Variants in PPP1R2 observed in about 807,000 individuals in gnomAD.
PPP1R2 encodes protein phosphatase 1 regulatory inhibitor subunit 2, also known as protein phosphatase inhibitor 2.
A neutral mutation model predicts 29.9 loss-of-function variants in PPP1R2; 16 were observed. That is an observed-to-expected ratio of 0.53 (90% CI 0.36 to 0.81). The LOEUF is 0.81. PPP1R2 is among the 30% of genes least tolerant of loss of function. The pLI is 0.00. For synonymous variants in PPP1R2, 76 were observed against 91.5 expected (o/e 0.83, Z 0.96); for missense variants, 197 against 252.7 (o/e 0.78, Z 1.49).
At chr3:195,524,512 G>A (rs557845807) in intron 3 of PPP1R2, among the ~76,000 whole-genome samples, 5 of 152,232 alleles carry the variant, frequency 3.3e-5, no homozygotes, top group East Asian at 1.9e-4. Context: ...ATGACAGAGC[G>A]AGACTCTGTC....
chr3:195,519,077 T>G lies in PPP1R2; in HGVS notation c.512A>C (p.Asp171Ala), dbSNP rs1203641526. The change falls in exon 5 of 6, where the codon GAT becomes GCT. Residue 171 changes from aspartate to alanine, a missense_variant. By Grantham distance (126) the Asp-to-Ala change is moderately radical (BLOSUM62 -2). Transcript: ENST00000618156. The part of the protein sequence containing the change: ...ISKDLHDDDE[D>A]EEMLETADGE... ...ATCTGCAGTCTCTAACATTTCTTCA[T>G]CTTCATCATCATCATGTAGGTCTTT... is the stretch of plus-strand genomic sequence containing the variant. The G allele has an allele frequency of 1.2e-6, 2 of 1,608,032 alleles. No individual in the cohort carries two copies. Among genetic ancestry groups the G allele is most frequent in the East Asian group, 4.5e-5 (2 of 44,812 alleles).
chr3:195,536,788 C>CAAAAAAAAAAAAAAAAAAA (rs10717955), intron 1 of PPP1R2, among the ~76,000 whole-genome samples: 1 of 72,506 alleles, frequency 1.4e-5, no homozygotes, highest in Non-Finnish European at 2.8e-5. Context: ...AACTCCGTCT[C>CAAAAAAAAAAAAAAAAAAA]AAAAAAAAAA....
At position 195,543,060 on chromosome 3, in the gene PPP1R2, G is replaced by T; in HGVS notation, c.-35C>A. On this transcript the variant is annotated 5_prime_UTR_variant, in exon 1 of 6. Transcript: ENST00000618156. ...CTCCGGCTGTCGGCTCAGGGTCGCTGCTTGGCGTGGGGTCCGCGAAGAGAA... is the reference window on the plus strand; with the variant it reads ...CTCCGGCTGTCGGCTCAGGGTCGCTTCTTGGCGTGGGGTCCGCGAAGAGAA... 6.3e-7 allele frequency: 1 copy of T among 1,583,352 alleles called. No individual in the cohort carries two copies. The highest frequency in any genetic ancestry group is 1.4e-5 in the African/African-American group (1 of 73,964).
intron 1 of PPP1R2, among the ~76,000 whole-genome samples, chr3:195,537,485 G>GTGTGTGTGTGTGTGTGTGTGTT (rs1719436240): frequency 7.8e-6 from 1 of 128,448 alleles, no homozygotes; most frequent in Admixed American, 7.3e-5. Context: ...TAGCTATTGT[G>GTGTGTGTGTGTGTGTGTGTGTT]TGTGTGTGTG....
intron 1 of PPP1R2, among the ~76,000 whole-genome samples, chr3:195,534,904 T>C (rs1163820823): frequency 6.6e-6 from 1 of 152,100 alleles, no homozygotes; most frequent in African/African-American, 2.4e-5. Context: ...ATGTCTCTCT[T>C]TGGCCACCTA....
At chr3:195,541,601 T>C (rs139631304) in intron 1 of PPP1R2, among the ~76,000 whole-genome samples, 1 of 152,114 alleles carries the variant, frequency 6.6e-6, no homozygotes, top group African/African-American at 2.4e-5. Context: ...CTGGATGTTA[T>C]TTATCTTTTA....
intron 2 of PPP1R2, 163 bp downstream of exon 2, chr3:195,529,631 C>G: frequency 1.9e-6 from 1 of 513,638 alleles, no homozygotes; most frequent in Non-Finnish European, 3.4e-6. Flanking sequence ...TTACACATCA[C>G]TTAAACCATT....
At chr3:195,521,268 T>G (rs911032939) in intron 4 of PPP1R2, among the ~76,000 whole-genome samples, 1 of 126,242 alleles carries the variant, frequency 7.9e-6, no homozygotes. Flanking sequence ...TGAGCGAAGA[T>G]CGCGCCACTG....
At chr3:195,518,993 CAG>C in intron 5 of PPP1R2, 23 bp downstream of exon 5, 2 of 1,610,002 alleles carry the variant, frequency 1.2e-6, no homozygotes, top group Non-Finnish European at 1.7e-6. Flanking sequence ...ACAAAAGTCT[CAG>C]TGACATTTTC....
At chr3:195,524,234 A>G (rs1347521251) in intron 3 of PPP1R2, among the ~76,000 whole-genome samples, 1 of 152,206 alleles carries the variant, frequency 6.6e-6, no homozygotes, top group African/African-American at 2.4e-5. Flanking sequence ...AAAAACAGGA[A>G]GCAGGGGCCA....
At chr3:195,530,241 G>C (rs1174766957) in intron 1 of PPP1R2, among the ~76,000 whole-genome samples, 2 of 152,192 alleles carry the variant, frequency 1.3e-5, no homozygotes, top group Non-Finnish European at 2.9e-5. Context: ...GCTGAAGTCA[G>C]TAGGCATTTT....
rs970789130 is a variant in PPP1R2, at chr3:195,519,337, C to T, written c.404-152G>A. 3.0e-5 allele frequency: 18 copies of T among 590,316 alleles called. No individual in the cohort carries two copies. The East Asian group carries it at 3.4e-4, about 11-fold the overall frequency. 36.6% of individuals were successfully genotyped at this position (590,316 alleles called of 1,614,324 possible). On this transcript the variant is annotated intron_variant, in intron 4 of 5. Transcript: ENST00000618156. ...TGTTCAATGGCAGAGTTGAGTAGTTCGTAATAGAGACCACTGGGCCCTGCA... is the reference window on the plus strand; with the variant it reads ...TGTTCAATGGCAGAGTTGAGTAGTTTGTAATAGAGACCACTGGGCCCTGCA...
At chr3:195,522,362 C>T (rs1718793527) in intron 4 of PPP1R2, among the ~76,000 whole-genome samples, 1 of 152,114 alleles carries the variant, frequency 6.6e-6, no homozygotes, top group Non-Finnish European at 1.5e-5. Flanking sequence ...TTTTCAGCCA[C>T]GTAACATCTA....
intron 5 of PPP1R2, among the ~76,000 whole-genome samples, 156 bp downstream of exon 5, chr3:195,518,862 T>C (rs1718649787): frequency 6.6e-6 from 1 of 152,202 alleles, no homozygotes; most frequent in African/African-American, 2.4e-5. Context: ...TATTCTGAAA[T>C]TGGCCATGCG....
At chr3:195,536,061 A>G (rs565441320) in intron 1 of PPP1R2, among the ~76,000 whole-genome samples, 41 of 152,298 alleles carry the variant, frequency 2.7e-4, no homozygotes, top group African/African-American at 9.4e-4. Flanking sequence ...TTACTGTATT[A>G]TAAGAACGCA....
At chr3:195,541,165 A>G (rs1336629673) in intron 1 of PPP1R2, among the ~76,000 whole-genome samples, 1 of 152,230 alleles carries the variant, frequency 6.6e-6, no homozygotes, top group Non-Finnish European at 1.5e-5. Flanking sequence ...CTTTTGAGGC[A>G]GAAAGACCTG....
At chr3:195,526,787 C>CT in intron 2 of PPP1R2, among the ~76,000 whole-genome samples, 1 of 151,726 alleles carries the variant, frequency 6.6e-6, no homozygotes, top group Non-Finnish European at 1.5e-5. Context: ...GATAATTTTA[C>CT]TTTTTTTATT....
chr3:195,528,117 C>G (rs1483829479), intron 2 of PPP1R2, among the ~76,000 whole-genome samples: 1 of 151,962 alleles, frequency 6.6e-6, no homozygotes, highest in Non-Finnish European at 1.5e-5. Flanking sequence ...TACACGGCAC[C>G]CAATGTGTAG....
At chr3:195,541,455 CT>C (rs553981950) in intron 1 of PPP1R2, among the ~76,000 whole-genome samples, 31,884 of 98,816 alleles carry the variant, frequency 0.32, 4,778 homozygotes, top group Middle Eastern at 0.35. Flanking sequence ...CTTTTCTTTC[CT>C]TTTTTTTTTT....
Sources: gnomAD v4.1 joint callset for allele counts (sites outside exome capture counted in the v4.1 genomes callset) on GRCh38, gnomAD v4.1.1 for gene constraint, MANE v1.5 for transcripts, NCBI Gene and HGNC (gene_info 2026-07-23, HGNC 2026-07-21) for gene names.